FSTL5: variants seen among roughly 807,000 people sequenced by gnomAD.
FSTL5 encodes follistatin like 5.
Under a neutral mutation model 89.1 loss-of-function variants are expected in FSTL5, and 62 were observed. The ratio of observed to expected loss-of-function variants is 0.70; its 90% confidence interval spans 0.57 to 0.86. The LOEUF (loss-of-function observed/expected upper bound fraction) is 0.86. Among genes scored for constraint, FSTL5 ranks in the 40% least tolerant of loss-of-function variants. The probability of loss-of-function intolerance (pLI) is 0.00; values close to 1 mark genes in which losing one functional copy is unlikely to be tolerated. For missense variants in FSTL5, 1,057 were observed against 1,001.6 expected (o/e 1.06, Z -0.75); for synonymous variants, 383 against 346.2 (o/e 1.11, Z -1.18).
chr4:161,720,353 T>A (rs184596084), intron 6 of FSTL5, among the ~76,000 whole-genome samples: 29 of 152,176 alleles, frequency 1.9e-4, no homozygotes, highest in East Asian at 1.5e-3. Context: ...TTATTTTTTT[T>A]AAAAGATAAT....
chr4:161,882,261 T>C (rs1207316886), intron 4 of FSTL5, among the ~76,000 whole-genome samples: 1 of 152,120 alleles, frequency 6.6e-6, no homozygotes. Context: ...CCAGCAGTAA[T>C]GGACTTTAAG....
At chr4:161,895,636 C>A (rs968820737) in intron 4 of FSTL5, among the ~76,000 whole-genome samples, 10 of 152,118 alleles carry the variant, frequency 6.6e-5, no homozygotes, top group African/African-American at 2.4e-4. Flanking sequence ...GCATGGCAAG[C>A]AGTGGAAAAT....
intron 3 of FSTL5, among the ~76,000 whole-genome samples, chr4:162,026,304 C>CTGTTTTTTTTTTTTTTTTTT (rs1737281083): frequency 2.5e-5 from 2 of 79,476 alleles, no homozygotes; most frequent in Non-Finnish European, 4.4e-5. Flanking sequence ...TATGTATTTT[C>CTGTTTTTTTTTTTTTTTTTT]TTTTTTTTTT....
At chr4:161,392,956 G>C (rs1730868596) in intron 15 of FSTL5, among the ~76,000 whole-genome samples, 1 of 152,070 alleles carries the variant, frequency 6.6e-6, no homozygotes, top group Non-Finnish European at 1.5e-5. Flanking sequence ...TTGAGGCCAG[G>C]CATTCAAGAC....
intron 3 of FSTL5, among the ~76,000 whole-genome samples, chr4:162,019,246 T>C (rs1023033263): frequency 6.6e-6 from 1 of 152,110 alleles, no homozygotes; most frequent in Non-Finnish European, 1.5e-5. Flanking sequence ...GATATATGTA[T>C]GCTACCTATT....
At chr4:161,917,115 AC>A (rs952598925) in intron 4 of FSTL5, among the ~76,000 whole-genome samples, 2 of 151,856 alleles carry the variant, frequency 1.3e-5, no homozygotes, top group Admixed American at 1.3e-4. Context: ...ACCACACCTG[AC>A]TAATTTTTTT....
intron 8 of FSTL5, among the ~76,000 whole-genome samples, chr4:161,548,098 C>T (rs1732065378): frequency 6.6e-6 from 1 of 151,768 alleles, no homozygotes; most frequent in African/African-American, 2.4e-5. Context: ...CCTCTAGTTA[C>T]AATTATATTA....
intron 10 of FSTL5, among the ~76,000 whole-genome samples, chr4:161,524,377 C>T (rs962397427): frequency 6.6e-6 from 1 of 152,070 alleles, no homozygotes; most frequent in Non-Finnish European, 1.5e-5. Context: ...ATATCCTGAC[C>T]ACCCGGGGCA....
At chr4:161,797,978 C>T (rs1434612) in intron 4 of FSTL5, among the ~76,000 whole-genome samples, 24 of 151,232 alleles carry the variant, frequency 1.6e-4, no homozygotes, top group Non-Finnish European at 1.5e-5. Context: ...AAGAGTAATG[C>T]TCATCATCAA....
rs192276444 is a variant in FSTL5, at chr4:161,612,581, A to C, written c.895-25006T>G. On this transcript the variant is annotated intron_variant, in intron 7 of 15. Transcript: ENST00000306100. Reference sequence around the variant, plus strand: ...GACTTGTGATATAATTTTCTAAATTATTTTAACAGAGACAAAAAGTCATGT... The same window carrying C: ...GACTTGTGATATAATTTTCTAAATTCTTTTAACAGAGACAAAAAGTCATGT... Among the ~76,000 whole-genome samples the C allele has an allele frequency of 1.6e-3, 248 of 152,354 alleles. 8 individuals are homozygous for C. In the South Asian group the frequency reaches 0.037, roughly 23 times the overall value.
chr4:161,928,366 T>C (rs1734188213), intron 3 of FSTL5, among the ~76,000 whole-genome samples: 1 of 151,858 alleles, frequency 6.6e-6, no homozygotes, highest in Non-Finnish European at 1.5e-5. Context: ...TGAGTTGCTA[T>C]AAATATTTAT....
At chr4:162,094,848 T>C (rs992196930) in intron 2 of FSTL5, among the ~76,000 whole-genome samples, 4 of 152,144 alleles carry the variant, frequency 2.6e-5, no homozygotes, top group African/African-American at 9.7e-5. Context: ...GATTGAAGTA[T>C]ACAATGAAGC....
chr4:161,478,109 C>T (rs1447587702), intron 13 of FSTL5, among the ~76,000 whole-genome samples: 2 of 151,984 alleles, frequency 1.3e-5, no homozygotes, highest in Non-Finnish European at 2.9e-5. Context: ...AAAAGAATTG[C>T]ATATTTTGCA....
At position 161,736,417 on chromosome 4, in the gene FSTL5, T is replaced by C. The variant is rs536579894; in HGVS notation, c.727+22994A>G. 4.0e-4 allele frequency among the ~76,000 whole-genome samples: 61 copies of C among 152,268 alleles called. 2 individuals carry two copies. Among genetic ancestry groups the C allele is most frequent in the South Asian group, 8.3e-4 (4 of 4,830 alleles). ...AAACAGCGATTTAATGAAGTGAATC[T>C]ACCACTTAAGAAGCAGTTTTGGCTC... On this transcript the variant is annotated intron_variant, in intron 6 of 15. Transcript: ENST00000306100.
At chr4:162,013,811 C>A (rs1412511214) in intron 3 of FSTL5, among the ~76,000 whole-genome samples, 1 of 148,170 alleles carries the variant, frequency 6.7e-6, no homozygotes, top group Non-Finnish European at 1.5e-5. Flanking sequence ...TTTTTTTTTA[C>A]TTCTGTTGGT....
intron 7 of FSTL5, among the ~76,000 whole-genome samples, chr4:161,597,030 T>G (rs1046108916): frequency 6.6e-6 from 1 of 152,138 alleles, no homozygotes; most frequent in Admixed American, 6.5e-5. Context: ...AGCTCTTTAG[T>G]TTCATTAGAT....
At position 161,651,967 on chromosome 4, in the gene FSTL5, C is replaced by T. The variant is rs147593663; in HGVS notation, c.894+4361G>A. 6.2e-3 allele frequency among the ~76,000 whole-genome samples: 937 copies of T among 152,248 alleles called. 9 individuals carry two copies. Among genetic ancestry groups the T allele is most frequent in the South Asian group, 0.046 (220 of 4,826 alleles). On this transcript the variant is annotated intron_variant, in intron 7 of 15. Coordinates refer to ENST00000306100, the MANE Select transcript of FSTL5 (RefSeq NM_020116.5). ...GTAAAGCAAATCTAGCTGTAACATA[C>T]AAGGGTTAGAATTATTTGGGATGTA...
rs180698295 is a variant in FSTL5 at position 161,679,341 on chromosome 4, G to T, written c.728-22847C>A. ...CATACTGTTTTTTCATGCGTTGCAG[G>T]TTTTGACTTATTTAATAATCAAAAA... On this transcript the variant is annotated intron_variant, in intron 6 of 15. Transcript: ENST00000306100. 6.0e-3 allele frequency among the ~76,000 whole-genome samples: 907 copies of T among 151,642 alleles called. 9 individuals carry two copies. Among genetic ancestry groups the T allele is most frequent in the South Asian group, 0.046 (220 of 4,824 alleles).
chr4:161,530,860 C>A (rs1445207919), intron 10 of FSTL5, among the ~76,000 whole-genome samples: 1 of 152,030 alleles, frequency 6.6e-6, no homozygotes, highest in Admixed American at 6.5e-5. Flanking sequence ...GAGGATGAAC[C>A]TTTATTACCT....
Sources: allele counts gnomAD v4.1 joint callset (sites outside exome capture counted in the v4.1 genomes callset), GRCh38; gene constraint gnomAD v4.1.1; transcripts MANE v1.5; gene names NCBI Gene and HGNC (gene_info 2026-07-23, HGNC 2026-07-21).